Variants in SLC25A13 observed in about 807,000 individuals in gnomAD.
The protein encoded by SLC25A13 is electrogenic aspartate/glutamate antiporter SLC25A13, mitochondrial.
SLC25A13 carries 70 observed loss-of-function variants against 85.5 expected under a neutral mutation model. The ratio of observed to expected loss-of-function variants is 0.82; its 90% confidence interval spans 0.68 to 1.00. The LOEUF (loss-of-function observed/expected upper bound fraction) is 1.00, where lower values mean the gene tolerates loss of function less well. SLC25A13 is among the 50% of genes least tolerant of loss of function. SLC25A13 has a pLI of 0.00. For synonymous variants in SLC25A13, 259 were observed against 288.7 expected, an observed-to-expected ratio of 0.90 and a Z score of 1.04; for missense variants, 765 against 819.8, an observed-to-expected ratio of 0.93 and a Z score of 0.82.
In SLC25A13 at chr7:96,189,682, G is replaced by T. The variant is rs769078308; in HGVS notation, c.755-8C>A. ...CTGCCAGAACAAACTCCTCTGTATGGAAGAAAAGTTAAAAGGGAAAGATTC... is the reference window on the plus strand; with the variant it reads ...CTGCCAGAACAAACTCCTCTGTATGTAAGAAAAGTTAAAAGGGAAAGATTC... On this transcript the variant is annotated splice_polypyrimidine_tract_variant and splice_region_variant and intron_variant, in intron 7 of 17. Coordinates refer to ENST00000265631, the MANE Select transcript of SLC25A13 (RefSeq NM_014251.3). 5.6e-6 allele frequency: 9 copies of T among 1,611,168 alleles called. No homozygotes were observed. The East Asian group carries it at 6.7e-5, about 12-fold the overall frequency.
intron 3 of SLC25A13, among the ~76,000 whole-genome samples, chr7:96,260,711 T>C (rs539135906): frequency 6.6e-6 from 1 of 152,112 alleles, no homozygotes; most frequent in Non-Finnish European, 1.5e-5. Context: ...ATATTTCATA[T>C]CTAATCCATC....
intron 11 of SLC25A13, among the ~76,000 whole-genome samples, chr7:96,175,586 G>A (rs1794187452): frequency 1.3e-5 from 2 of 152,190 alleles, no homozygotes; most frequent in South Asian, 4.1e-4. Flanking sequence ...ATGGGGGAAC[G>A]GGGTTCCACC....
intron 13 of SLC25A13, 92 bp downstream of exon 13, chr7:96,169,953 A>C: frequency 1.5e-6 from 2 of 1,317,832 alleles, no homozygotes; most frequent in South Asian, 1.2e-5. Flanking sequence ...TCTGTGGTTA[A>C]ACAGAAGCCT....
At chr7:96,230,466 T>C (rs1481473879) in intron 4 of SLC25A13, among the ~76,000 whole-genome samples, 1 of 152,210 alleles carries the variant, frequency 6.6e-6, no homozygotes, top group Non-Finnish European at 1.5e-5. Context: ...TATGCTGTCA[T>C]TCAACAAAGT....
intron 5 of SLC25A13, among the ~76,000 whole-genome samples, chr7:96,207,772 C>A (rs1318454907): frequency 6.6e-6 from 1 of 151,880 alleles, no homozygotes; most frequent in East Asian, 1.9e-4. Context: ...CATCAGTGGC[C>A]CAATGATATG....
intron 1 of SLC25A13, among the ~76,000 whole-genome samples, chr7:96,305,742 G>A (rs776735869): frequency 1.3e-5 from 2 of 152,198 alleles, no homozygotes; most frequent in Non-Finnish European, 2.9e-5. Context: ...AAACACTTCT[G>A]AGAGAGAAAA....
intron 2 of SLC25A13, among the ~76,000 whole-genome samples, chr7:96,281,751 T>A (rs1003302586): frequency 1.3e-5 from 2 of 152,210 alleles, no homozygotes; most frequent in Non-Finnish European, 2.9e-5. Flanking sequence ...CAGCTTCATT[T>A]TTTTAGATGC....
chr7:96,210,948 A>G (rs1795668714), intron 4 of SLC25A13, among the ~76,000 whole-genome samples: 1 of 152,232 alleles, frequency 6.6e-6, no homozygotes, highest in Non-Finnish European at 1.5e-5. Context: ...ATTGTCAAAA[A>G]TAAGATTTTT....
At chr7:96,133,045 G>C (rs970610861) in intron 14 of SLC25A13, among the ~76,000 whole-genome samples, 2 of 152,060 alleles carry the variant, frequency 1.3e-5, no homozygotes, top group African/African-American at 4.8e-5. Flanking sequence ...AACTTAATTA[G>C]TTGCCTCACA....
intron 12 of SLC25A13, among the ~76,000 whole-genome samples, chr7:96,171,004 ACAG>A (rs1233583233): frequency 6.6e-6 from 1 of 152,202 alleles, no homozygotes; most frequent in Non-Finnish European, 1.5e-5. Flanking sequence ...TCCTATAAAA[ACAG>A]CAGGTGTAAT....
In SLC25A13 at chr7:96,186,985, C is replaced by T. The variant is rs865893742; in HGVS notation, c.934-1974G>A. On this transcript the variant is annotated intron_variant, in intron 9 of 17. Coordinates refer to ENST00000265631, the MANE Select transcript of SLC25A13 (RefSeq NM_014251.3). The stretch of plus-strand genomic sequence containing the variant: ...GTGGCTGTATTACAGTTGATCGTTA[C>T]TTTTTCTCTTTTTTTGTCCATCTTT... Among the ~76,000 whole-genome samples the T allele has an allele frequency of 5.3e-5, 8 of 152,216 alleles. No homozygotes were observed. The Middle Eastern group carries it at 0.01, about 194-fold the overall frequency.
At chr7:96,259,948 A>G (rs1017278368) in intron 3 of SLC25A13, among the ~76,000 whole-genome samples, 1 of 151,978 alleles carries the variant, frequency 6.6e-6, no homozygotes, top group African/African-American at 2.4e-5. Context: ...GCAAACTAAC[A>G]TAGGAACAGC....
chr7:96,181,515 G>A (rs1037713201), intron 11 of SLC25A13, among the ~76,000 whole-genome samples: 2 of 152,154 alleles, frequency 1.3e-5, no homozygotes, highest in African/African-American at 4.8e-5. Flanking sequence ...CTTGTTATAA[G>A]AAAAAGAGAT....
At chr7:96,163,976 T>C (rs1793632903) in intron 13 of SLC25A13, among the ~76,000 whole-genome samples, 1 of 152,210 alleles carries the variant, frequency 6.6e-6, no homozygotes, top group South Asian at 2.1e-4. Context: ...AGTCATGATT[T>C]AATTCTTTCA....
intron 3 of SLC25A13, among the ~76,000 whole-genome samples, chr7:96,243,865 C>T (rs576866937): frequency 6.6e-5 from 10 of 152,066 alleles, no homozygotes; most frequent in South Asian, 2.1e-4. Context: ...AGGGAGGTGC[C>T]GGGCATAAAA....
chr7:96,164,149 C>T (rs1310264404), intron 13 of SLC25A13, among the ~76,000 whole-genome samples: 1 of 152,202 alleles, frequency 6.6e-6, no homozygotes, highest in Non-Finnish European at 1.5e-5. Flanking sequence ...CACACTGTGG[C>T]TAAATTAATG....
intron 2 of SLC25A13, among the ~76,000 whole-genome samples, chr7:96,294,032 A>G (rs1024333716): frequency 7.2e-5 from 11 of 152,292 alleles, no homozygotes; most frequent in African/African-American, 2.2e-4. Context: ...AACCAACCCA[A>G]ATGTCCATCA....
intron 13 of SLC25A13, among the ~76,000 whole-genome samples, chr7:96,162,845 C>T (rs1793566075): frequency 2.6e-5 from 4 of 152,168 alleles, no homozygotes; most frequent in Admixed American, 2.6e-4. Flanking sequence ...TGCCTCAATT[C>T]TCAAGAGCCT....
At chr7:96,196,528 T>C (rs1795069969) in intron 5 of SLC25A13, among the ~76,000 whole-genome samples, 1 of 152,176 alleles carries the variant, frequency 6.6e-6, no homozygotes, top group South Asian at 2.1e-4. Flanking sequence ...ACAGGGGACA[T>C]ACCTGTGATT....
Sources: gnomAD v4.1 joint callset for allele counts (sites outside exome capture counted in the v4.1 genomes callset) on GRCh38, gnomAD v4.1.1 for gene constraint, MANE v1.5 for transcripts, NCBI Gene and HGNC (gene_info 2026-07-23, HGNC 2026-07-21) for gene names.